Variants in MYO3B observed in about 807,000 individuals in gnomAD.
MYO3B encodes the protein myosin-IIIb.
MYO3B carries 156 observed loss-of-function variants against 174.6 expected under a neutral mutation model. The ratio of observed to expected loss-of-function variants is 0.89; its 90% CI spans 0.78 to 1.02. The LOEUF is 1.02. MYO3B is among the 50% of genes least tolerant of loss of function. The pLI is 0.00. For missense variants in MYO3B, 1,632 were observed against 1,639.4 expected (o/e 1.00, Z 0.08); for synonymous variants, 563 against 569.1 (o/e 0.99, Z 0.15).
intron 7 of MYO3B, among the ~76,000 whole-genome samples, chr2:170,314,135 T>G (rs951773943): frequency 6.6e-6 from 1 of 152,176 alleles, no homozygotes; most frequent in Non-Finnish European, 1.5e-5. Context: ...TCTTTTATTA[T>G]GTTTATTTAG....
At chr2:170,504,185 C>T (rs936045010) in intron 28 of MYO3B, among the ~76,000 whole-genome samples, 4 of 152,194 alleles carry the variant, frequency 2.6e-5, no homozygotes, top group South Asian at 4.1e-4. Flanking sequence ...GTTGTCACAG[C>T]ACAACCATTT....
intron 25 of MYO3B, among the ~76,000 whole-genome samples, chr2:170,487,630 G>A (rs1686150869): frequency 6.6e-6 from 1 of 152,188 alleles, no homozygotes; most frequent in South Asian, 2.1e-4. Flanking sequence ...TGTGTAATTA[G>A]CCTTGAGATA....
In MYO3B at chr2:170,383,739, C is replaced by T. The variant is rs11675394; in HGVS notation, c.1215C>T (p.Arg405=). The change falls in exon 12 of 35, where the codon CGC becomes CGT. Residue 405 remains arginine, a synonymous_variant. Coordinates refer to ENST00000408978, the MANE Select transcript of MYO3B (RefSeq NM_138995.5). ...CCAGACTTTATCATGGGGTGAAACG[C>T]GCCTCCAATCCCCCCCACATATTTG... ...QFSRLYHGVK[R]ASNPPHIFAS... is the part of the protein sequence containing the mutation. 0.31 allele frequency: 493,906 copies of T among 1,610,496 alleles called. 78,655 individuals carry two copies. The highest frequency in any genetic ancestry group is 0.33 in the Non-Finnish European group (384,720 of 1,176,986).
At chr2:170,433,546 A>G (rs2094727905) in intron 22 of MYO3B, among the ~76,000 whole-genome samples, 1 of 152,238 alleles carries the variant, frequency 6.6e-6, no homozygotes, top group Non-Finnish European at 1.5e-5. Context: ...TCAGTCCTAT[A>G]GAATGCCTAG....
intron 6 of MYO3B, among the ~76,000 whole-genome samples, chr2:170,230,336 A>ATTAT (rs2093000985): frequency 1.5e-5 from 1 of 64,706 alleles, no homozygotes; most frequent in Non-Finnish European, 2.6e-5. Flanking sequence ...CGCCTGGCTA[A>ATTAT]TTTTTTTTTT....
intron 4 of MYO3B, 96 bp downstream of exon 4, chr2:170,214,579 A>G: frequency 1.5e-6 from 2 of 1,364,344 alleles, no homozygotes; most frequent in South Asian, 1.2e-5. Flanking sequence ...AAACTGCCCT[A>G]TGATATGCAA....
intron 7 of MYO3B, among the ~76,000 whole-genome samples, chr2:170,292,595 G>T (rs564998501): frequency 6.6e-6 from 1 of 151,968 alleles, no homozygotes; most frequent in Non-Finnish European, 1.5e-5. Context: ...ACAAGGTTGC[G>T]GTTTCCTTTT....
Position 170,653,397 on chromosome 2 carries a change from A to G in MYO3B, c.*276A>G. On this transcript the variant is annotated 3_prime_UTR_variant, in exon 35 of 35. Coordinates refer to ENST00000408978, the MANE Select transcript of MYO3B (RefSeq NM_138995.5). ...AGAACACCTTTACAATAGTTTAAAC[A>G]GTCATTCATGCCCCCAGTGTCTAGG... 1 of 411,824 alleles carries G rather than the reference A, an allele frequency of 2.4e-6. No homozygotes were observed. Among genetic ancestry groups the G allele is most frequent in the Non-Finnish European group, 4.4e-6 (1 of 229,456 alleles). 25.5% of individuals were successfully genotyped at this position (411,824 alleles called of 1,614,324 possible).
chr2:170,217,940 G>A (rs565365641), intron 6 of MYO3B, among the ~76,000 whole-genome samples: 1 of 152,346 alleles, frequency 6.6e-6, no homozygotes, highest in East Asian at 1.9e-4. Context: ...GCATGTAGAA[G>A]TTTGGGGAAC....
chr2:170,319,046 A>T (rs757136477), intron 7 of MYO3B, among the ~76,000 whole-genome samples: 1 of 152,186 alleles, frequency 6.6e-6, no homozygotes, highest in Admixed American at 6.5e-5. Flanking sequence ...CTAATTTCAG[A>T]TCATGTCTGC....
chr2:170,582,752 G>T (rs927102381), intron 32 of MYO3B, among the ~76,000 whole-genome samples: 2 of 152,050 alleles, frequency 1.3e-5, no homozygotes, highest in African/African-American at 2.4e-5. Flanking sequence ...TCAGCAACAG[G>T]CATTAAATAT....
chr2:170,282,236 G>C (rs866290335), intron 7 of MYO3B, among the ~76,000 whole-genome samples: 1 of 151,896 alleles, frequency 6.6e-6, no homozygotes, highest in African/African-American at 2.4e-5. Flanking sequence ...TATAGTTTGG[G>C]GTCTTAAATT....
At chr2:170,638,837 C>T (rs1277938663) in intron 32 of MYO3B, among the ~76,000 whole-genome samples, 6 of 152,188 alleles carry the variant, frequency 3.9e-5, no homozygotes, top group African/African-American at 1.4e-4. Context: ...ACACATAAAA[C>T]ATGGCAGCAG....
chr2:170,519,357 T>G, intron 29 of MYO3B, 81 bp from the exon 30 acceptor site: 5 of 1,052,404 alleles, frequency 4.8e-6, no homozygotes, highest in Non-Finnish European at 7.2e-6. Context: ...AGAGAAGGGC[T>G]GCAGAGAGTG....
chr2:170,351,727 A>T (rs1453422543), intron 8 of MYO3B, among the ~76,000 whole-genome samples: 1 of 152,212 alleles, frequency 6.6e-6, no homozygotes, highest in Non-Finnish European at 1.5e-5. Context: ...ATAAACCTAA[A>T]GCTGAGGAAG....
At chr2:170,373,828 TA>T (rs34605437) in intron 9 of MYO3B, among the ~76,000 whole-genome samples, 42,912 of 145,444 alleles carry the variant, frequency 0.3, 6,118 homozygotes, top group Middle Eastern at 0.4. Flanking sequence ...GAATGGCCTT[TA>T]AAAAAAAAAA....
chr2:170,398,106 C>G (rs928313893), intron 16 of MYO3B, among the ~76,000 whole-genome samples: 1 of 151,656 alleles, frequency 6.6e-6, no homozygotes, highest in South Asian at 2.1e-4. Flanking sequence ...GCCTGTAATC[C>G]TAGCTACTCA....
At chr2:170,436,055 A>G (rs145784259) in intron 22 of MYO3B, among the ~76,000 whole-genome samples, 293 of 152,328 alleles carry the variant, frequency 1.9e-3, no homozygotes, top group African/African-American at 6.1e-3. Flanking sequence ...AGTTGGAAGC[A>G]GGGAAATTGT....
chr2:170,621,570 T>C lies in MYO3B; in HGVS notation c.3734-30058T>C, dbSNP rs181580247. Among the ~76,000 whole-genome samples, 250 of 151,154 alleles carry C rather than the reference T, an allele frequency of 1.7e-3. 4 individuals carry two copies. The highest frequency in any genetic ancestry group is 5.8e-3 in the African/African-American group (238 of 41,128). Reference sequence around the variant, plus strand: ...CTGTGCCCAGGCTGGAGTGCAGTGGTGTGATCTTGGCTCAGTGCAACCTCC... The same window carrying C: ...CTGTGCCCAGGCTGGAGTGCAGTGGCGTGATCTTGGCTCAGTGCAACCTCC... On this transcript the variant is annotated intron_variant, in intron 32 of 34. Coordinates refer to ENST00000408978, the MANE Select transcript of MYO3B (RefSeq NM_138995.5).
Sources: gnomAD v4.1 joint callset for allele counts (sites outside exome capture counted in the v4.1 genomes callset) on GRCh38, gnomAD v4.1.1 for gene constraint, MANE v1.5 for transcripts, NCBI Gene and HGNC (gene_info 2026-07-23, HGNC 2026-07-21) for gene names.